The following POPDC3 variants were observed in gnomAD, a reference collection of about 807,000 sequenced individuals.
The protein encoded by POPDC3 is popeye domain-containing protein 3.
POPDC3 carries 20 observed loss-of-function variants against 28.2 expected under a neutral mutation model. The observed-to-expected ratio is 0.71, with a 90% CI of 0.50 to 1.03. The LOEUF (loss-of-function observed/expected upper bound fraction) is 1.03. POPDC3 is among the 50% of genes least tolerant of loss of function. The probability of loss-of-function intolerance (pLI) is 0.00; values close to 1 mark genes in which losing one functional copy is unlikely to be tolerated. For missense variants in POPDC3, 316 were observed against 345.9 expected, an observed-to-expected ratio of 0.91 and a Z score of 0.69; for synonymous variants, 118 against 124.1, an observed-to-expected ratio of 0.95 and a Z score of 0.33.
intron 1 of POPDC3, among the ~76,000 whole-genome samples, chr6:105,165,223 A>G (rs1384702642): frequency 5.9e-5 from 9 of 152,216 alleles, no homozygotes; most frequent in Admixed American, 3.3e-4. Flanking sequence ...CCCAAGTGGG[A>G]TATTCTTCCA....
intron 1 of POPDC3, chr6:105,168,997 C>T (rs964053437): frequency 6.6e-6 from 1 of 152,222 alleles, no homozygotes. Flanking sequence ...GACACCTTGA[C>T]TGCAGGCTTG....
chr6:105,161,973 G>A lies in POPDC3; in HGVS notation c.-64C>T, dbSNP rs79116723. 55 of 1,524,826 alleles carry A rather than the reference G, an allele frequency of 3.6e-5. No homozygotes were observed. In the African/African-American group the frequency reaches 5.8e-4, roughly 16 times the overall value. 94.5% of individuals were successfully genotyped at this position (1,524,826 alleles called of 1,614,324 possible). A position where few individuals can be genotyped will look rare whatever the true frequency, so the allele number is the denominator to read the frequency against. On this transcript the variant is annotated 5_prime_UTR_variant, in exon 2 of 4. Transcript: ENST00000254765. Reference sequence around the variant, plus strand: ...AGATGACACTGAAACAGGTAACTAAGTCCTTTGGTTCTCCATCATGAGAGT... The same window carrying A: ...AGATGACACTGAAACAGGTAACTAAATCCTTTGGTTCTCCATCATGAGAGT...
chr6:105,175,076 AG>A (rs1382152972), intron 1 of POPDC3, among the ~76,000 whole-genome samples: 1 of 151,920 alleles, frequency 6.6e-6, no homozygotes, highest in Non-Finnish European at 1.5e-5. Context: ...CTGAGGCAGG[AG>A]AATCACTTGA....
At chr6:105,177,096 C>T (rs1774695218) in intron 1 of POPDC3, 1 of 315,692 alleles carries the variant, frequency 3.2e-6, no homozygotes, top group Non-Finnish European at 4.6e-6. Flanking sequence ...GAATTAACAA[C>T]CATCAACACT....
Position 105,161,446 on chromosome 6 carries a change from A to T in POPDC3, c.464T>A (p.Leu155His), listed in dbSNP as rs1311819000. The T allele has an allele frequency of 5.0e-6, 8 of 1,613,658 alleles. No individual in the cohort carries two copies. In the South Asian group the frequency reaches 8.8e-5, roughly 18 times the overall value. ...AMQGKTSIDK[L>H]SLLVSGRIRV... ...AAACCTTCCTGAAACAAGCAAGGAG[A>T]GTTTATCAATGGAAGTTTTCCCCTG... Residue 155 changes from leucine (L) to histidine (H), a missense_variant, in exon 2 of 4, where the codon CTC becomes CAC. Leu to His is a moderately conservative substitution (Grantham distance 99). Coordinates refer to ENST00000254765, the MANE Select transcript of POPDC3 (RefSeq NM_022361.5).
intron 2 of POPDC3, 98 bp downstream of exon 2, chr6:105,161,327 A>G: frequency 2.8e-6 from 4 of 1,406,066 alleles, no homozygotes; most frequent in Non-Finnish European, 3.9e-6. Flanking sequence ...GCTAAATGCC[A>G]CCCAGGACTA....
intron 1 of POPDC3, among the ~76,000 whole-genome samples, chr6:105,164,577 CAG>C (rs757655692): frequency 6.6e-6 from 1 of 152,234 alleles, no homozygotes; most frequent in Non-Finnish European, 1.5e-5. Context: ...GAAGAACTGA[CAG>C]GGGCAGGTGA....
intron 1 of POPDC3, among the ~76,000 whole-genome samples, chr6:105,175,150 G>A (rs933028147): frequency 1.1e-4 from 17 of 151,546 alleles, no homozygotes; most frequent in Non-Finnish European, 1.9e-4. Flanking sequence ...ATGGGCAACA[G>A]AGCAAGACTC....
Position 105,158,156 on chromosome 6 carries a change from A to AAT in POPDC3, c.*312_*313dup. On this transcript the variant is annotated 3_prime_UTR_variant, in exon 4 of 4. Transcript: ENST00000254765. ...AACTCCTGAGTCTATAGGGCAAGAC[A>AAT]ATGCATTTGAGTAAATGTGAGAAAA... 3.7e-6 allele frequency: 1 copy of AAT among 269,456 alleles called. No individual in the cohort carries two copies. The highest frequency in any genetic ancestry group is 4.8e-5 in the Admixed American group (1 of 20,800). 16.7% of individuals were successfully genotyped at this position (269,456 alleles called of 1,614,324 possible).
chr6:105,175,089 C>T (rs1774656942), intron 1 of POPDC3, among the ~76,000 whole-genome samples: 1 of 151,870 alleles, frequency 6.6e-6, no homozygotes, highest in East Asian at 1.9e-4. Context: ...ATCACTTGAA[C>T]CCGGGAGGCT....
Position 105,158,512 on chromosome 6 carries a change from CAG to C in POPDC3, c.832_833del (p.Leu278AspfsTer12), listed in dbSNP as rs781713331. 37 of 1,613,612 alleles carry C rather than the reference CAG, an allele frequency of 2.3e-5. No individual in the cohort carries two copies. Among genetic ancestry groups the C allele is most frequent in the Middle Eastern group, 1.6e-4 (1 of 6,084 alleles). On this transcript the variant is annotated frameshift_variant, in exon 4 of 4. Transcript: ENST00000254765. LOFTEE classifies it high-confidence loss of function. ...GTCTGGAATTCTGAAAATGTTGTGT[CAG>C]GGGTGATCTGCGTATTTCTGGAGTT... The part of the protein sequence containing the change: ...MSTPEIRRSP[L>X]TQHFQNSRRY...
chr6:105,172,943 G>A (rs960495655), intron 1 of POPDC3, among the ~76,000 whole-genome samples: 1 of 151,418 alleles, frequency 6.6e-6, no homozygotes, highest in South Asian at 2.1e-4. Flanking sequence ...GCTAAATGAC[G>A]AGTCAATGGG....
At chr6:105,173,102 T>C (rs1774612576) in intron 1 of POPDC3, among the ~76,000 whole-genome samples, 1 of 152,224 alleles carries the variant, frequency 6.6e-6, no homozygotes, top group Admixed American at 6.5e-5. Flanking sequence ...TCTAAAGTCT[T>C]AATGAGATTA....
intron 1 of POPDC3, among the ~76,000 whole-genome samples, chr6:105,165,913 G>C (rs980672050): frequency 6.6e-5 from 10 of 152,104 alleles, no homozygotes; most frequent in African/African-American, 2.4e-4. Context: ...TTGTCCTTGA[G>C]GTGGTACATT....
chr6:105,162,064 G>T lies in POPDC3; in HGVS notation c.-155C>A. 1 of 1,440,554 alleles carries T rather than the reference G, an allele frequency of 6.9e-7. No individual in the cohort carries two copies. The highest frequency in any genetic ancestry group is 9.1e-7 in the Non-Finnish European group (1 of 1,104,584). The allele number at this position is 1,440,554 out of a possible 1,614,324, so 89.2% of individuals were successfully genotyped here. A position where few individuals can be genotyped will look rare whatever the true frequency, so the allele number is the denominator to read the frequency against. On this transcript the variant is annotated 5_prime_UTR_variant, in exon 2 of 4. Transcript: ENST00000254765. ...AGTTGATGCTGATTAAAGGCTTCGT[G>T]TGTACGGATCTTGAAAAACTAAGAA... is the stretch of plus-strand genomic sequence containing the variant.
chr6:105,178,563 GACACACACAC>G (rs56060844), intron 1 of POPDC3: 22,631 of 152,858 alleles, frequency 0.15, 1,847 homozygotes, highest in African/African-American at 0.21. Context: ...AACTCCTGAA[GACACACACAC>G]ACACACACAC....
intron 1 of POPDC3, among the ~76,000 whole-genome samples, chr6:105,170,591 T>C (rs936699271): frequency 9.9e-5 from 15 of 152,174 alleles, no homozygotes; most frequent in African/African-American, 3.6e-4. Flanking sequence ...CAGATGTAGA[T>C]ATCACGCTTA....
chr6:105,179,063 TGTC>T lies in POPDC3; in HGVS notation c.-252+767_-252+769del, dbSNP rs1469223914. 3 of 985,364 alleles carry T rather than the reference TGTC, an allele frequency of 3.0e-6. No homozygotes were observed. In the African/African-American group the frequency reaches 5.2e-5, roughly 17 times the overall value. 61.0% of individuals were successfully genotyped at this position (985,364 alleles called of 1,614,324 possible). A position where few individuals can be genotyped will look rare whatever the true frequency, so the allele number is the denominator to read the frequency against. On this transcript the variant is annotated intron_variant, in intron 1 of 3. Coordinates refer to ENST00000254765, the MANE Select transcript of POPDC3 (RefSeq NM_022361.5). ...AACAGAATTTTTCACTTTCTGCAAA[TGTC>T]TTCTGGCTAAATTTTTGGCACTGCC...
intron 1 of POPDC3, among the ~76,000 whole-genome samples, 192 bp downstream of exon 1, chr6:105,179,641 G>A (rs1031593743): frequency 6.6e-6 from 1 of 152,140 alleles, no homozygotes; most frequent in African/African-American, 2.4e-5. Flanking sequence ...CCGGACCCCA[G>A]GGCGCGGAGT....
Sources: gnomAD v4.1 joint callset for allele counts (sites outside exome capture counted in the v4.1 genomes callset) on GRCh38, gnomAD v4.1.1 for gene constraint, MANE v1.5 for transcripts, NCBI Gene and HGNC (gene_info 2026-07-23, HGNC 2026-07-21) for gene names.